Variants in ESRRG observed in about 807,000 individuals in gnomAD.
ESRRG encodes estrogen related receptor gamma, also known as estrogen-related receptor gamma.
ESRRG carries 13 observed loss-of-function variants against 44.0 expected under a neutral mutation model. That is an observed-to-expected ratio of 0.30 (90% confidence interval 0.19 to 0.47). ESRRG has a LOEUF of 0.47. Ranked by LOEUF, ESRRG falls within the 20% of genes least tolerant of loss-of-function variation. The probability of loss-of-function intolerance (pLI) is 1.00; values close to 1 mark genes in which losing one functional copy is unlikely to be tolerated. For missense variants in ESRRG, 395 were observed against 580.6 expected (o/e 0.68, Z 3.29); for synonymous variants, 215 against 214.6 (o/e 1.00, Z -0.02).
chr1:216,889,190 G>A (rs754442139), intron 2 of ESRRG, among the ~76,000 whole-genome samples: 6 of 152,168 alleles, frequency 3.9e-5, no homozygotes, highest in Non-Finnish European at 8.8e-5. Flanking sequence ...AGTTTGGTGG[G>A]AGGGGGTCAA....
At chr1:216,558,846 T>A (rs2058116672) in intron 5 of ESRRG, among the ~76,000 whole-genome samples, 2 of 151,868 alleles carry the variant, frequency 1.3e-5, no homozygotes, top group South Asian at 4.2e-4. Context: ...ATAATTGTAT[T>A]CTGTTTTTTG....
intron 1 of ESRRG, among the ~76,000 whole-genome samples, chr1:216,698,541 A>AT (rs2080742058): frequency 2.0e-5 from 3 of 150,454 alleles, no homozygotes; most frequent in Admixed American, 6.6e-5. Flanking sequence ...AAAAAAAAAA[A>AT]TTTGCAAGTT....
At chr1:216,531,014 A>G (rs997153423) in intron 5 of ESRRG, among the ~76,000 whole-genome samples, 27 of 152,218 alleles carry the variant, frequency 1.8e-4, no homozygotes, top group African/African-American at 6.0e-4. Flanking sequence ...ATGCCCTAGG[A>G]GGAGGAGAGG....
At chr1:216,962,558 CT>C (rs71556667) in intron 1 of ESRRG, among the ~76,000 whole-genome samples, 78,279 of 151,722 alleles carry the variant, frequency 0.52, 21,912 homozygotes, top group Middle Eastern at 0.7. Context: ...AAGTAGGAAT[CT>C]TTTTTTTCTT....
chr1:216,644,538 C>T (rs1317344066), intron 3 of ESRRG, among the ~76,000 whole-genome samples: 1 of 151,394 alleles, frequency 6.6e-6, no homozygotes. Context: ...AAGCCATCCT[C>T]CCACCTCAGC....
chr1:216,996,383 G>C (rs1161054765), intron 1 of ESRRG, among the ~76,000 whole-genome samples: 1 of 151,946 alleles, frequency 6.6e-6, no homozygotes, highest in African/African-American at 2.4e-5. Context: ...AGGGTAAGGG[G>C]ATGAGAGGAG....
intron 5 of ESRRG, among the ~76,000 whole-genome samples, chr1:216,527,772 G>A (rs928545286): frequency 1.3e-5 from 2 of 152,128 alleles, no homozygotes; most frequent in African/African-American, 2.4e-5. Context: ...TCACTGGGTA[G>A]CATCTAAGGG....
intron 3 of ESRRG, among the ~76,000 whole-genome samples, chr1:216,605,472 A>C (rs2059807172): frequency 6.6e-6 from 1 of 152,212 alleles, no homozygotes; most frequent in South Asian, 2.1e-4. Flanking sequence ...GGGTATGAGA[A>C]TGTCTCTCAG....
At chr1:216,789,140 C>T (rs185504081) in intron 2 of ESRRG, among the ~76,000 whole-genome samples, 1 of 152,260 alleles carries the variant, frequency 6.6e-6, no homozygotes. Flanking sequence ...GATTGACTCT[C>T]ATTTTGGCAG....
intron 3 of ESRRG, among the ~76,000 whole-genome samples, chr1:216,641,974 T>C (rs1006468376): frequency 1.3e-5 from 2 of 152,106 alleles, no homozygotes; most frequent in Non-Finnish European, 2.9e-5. Context: ...AGAGCCATAG[T>C]TCAAAAAATG....
chr1:216,965,158 G>GC (rs1553741489), intron 1 of ESRRG, among the ~76,000 whole-genome samples: 4 of 103,064 alleles, frequency 3.9e-5, no homozygotes, highest in African/African-American at 1.3e-4. Flanking sequence ...TTACACATAT[G>GC]CCTTTTTTTT....
At chr1:216,706,654 T>A (rs2082516874) in intron 1 of ESRRG, among the ~76,000 whole-genome samples, 1 of 152,184 alleles carries the variant, frequency 6.6e-6, no homozygotes, top group Non-Finnish European at 1.5e-5. Flanking sequence ...AAATTTTAAT[T>A]GAGCATAAAC....
intron 2 of ESRRG, among the ~76,000 whole-genome samples, chr1:216,803,792 T>A (rs1254220235): frequency 6.6e-6 from 1 of 152,122 alleles, no homozygotes; most frequent in Non-Finnish European, 1.5e-5. Flanking sequence ...TTTTCTCTGA[T>A]CCTTGTTTTT....
intron 1 of ESRRG, among the ~76,000 whole-genome samples, chr1:217,040,655 C>A (rs2083693206): frequency 6.6e-6 from 1 of 152,080 alleles, no homozygotes; most frequent in Non-Finnish European, 1.5e-5. Context: ...TGCTAGTACA[C>A]CTTTACACTT....
chr1:217,112,854 T>A (rs2092675416), intron 1 of ESRRG, among the ~76,000 whole-genome samples: 1 of 152,216 alleles, frequency 6.6e-6, no homozygotes, highest in East Asian at 1.9e-4. Context: ...TCTAAGGATC[T>A]AAGAGAAAGC....
chr1:216,543,661 T>C (rs2053553502), intron 5 of ESRRG, among the ~76,000 whole-genome samples: 1 of 152,006 alleles, frequency 6.6e-6, no homozygotes, highest in Admixed American at 6.6e-5. Context: ...TATGATTACA[T>C]TTGCTGTGTA....
At chr1:216,615,655 C>T (rs1367680990) in intron 3 of ESRRG, among the ~76,000 whole-genome samples, 1 of 152,046 alleles carries the variant, frequency 6.6e-6, no homozygotes, top group East Asian at 1.9e-4. Flanking sequence ...GGCTTTAATG[C>T]TGTCCTCACT....
intron 2 of ESRRG, among the ~76,000 whole-genome samples, chr1:216,873,208 A>ATTT (rs2096282272): frequency 1.7e-4 from 9 of 54,484 alleles, no homozygotes; most frequent in African/African-American, 1.0e-3. Context: ...ACATCTTTTC[A>ATTT]GTTTTTTTTT....
At chr1:216,761,115 G>A (rs1335637500) in intron 2 of ESRRG, among the ~76,000 whole-genome samples, 1 of 151,666 alleles carries the variant, frequency 6.6e-6, no homozygotes, top group Non-Finnish European at 1.5e-5. Context: ...GATATAGAAA[G>A]TGAGATCTAA....
Sources: gnomAD v4.1 joint callset for allele counts (sites outside exome capture counted in the v4.1 genomes callset) on GRCh38, gnomAD v4.1.1 for gene constraint, MANE v1.5 for transcripts, NCBI Gene and HGNC (gene_info 2026-07-23, HGNC 2026-07-21) for gene names.